The following EYA3 variants were observed in gnomAD, a reference collection of about 807,000 sequenced individuals.
EYA3 encodes EYA transcriptional coactivator and phosphatase 3, also known as protein phosphatase EYA3.
A neutral mutation model predicts 80.0 loss-of-function variants in EYA3; 39 were observed. That is an observed-to-expected ratio of 0.49 (90% CI 0.38 to 0.64). The LOEUF (loss-of-function observed/expected upper bound fraction) is 0.64, where lower values mean the gene tolerates loss of function less well. Among genes scored for constraint, EYA3 ranks in the 30% least tolerant of loss-of-function variants. The probability of loss-of-function intolerance (pLI) is 0.00; values close to 1 mark genes in which losing one functional copy is unlikely to be tolerated. For missense variants in EYA3, 523 were observed against 676.1 expected (o/e 0.77, Z 2.51); for synonymous variants, 206 against 232.8 (o/e 0.88, Z 1.05).
At chr1:28,043,345 AAC>A (rs58881828) in intron 3 of EYA3, among the ~76,000 whole-genome samples, 30,031 of 145,672 alleles carry the variant, frequency 0.21, 3,126 homozygotes, top group Non-Finnish European at 0.25. Context: ...AAAAAAAAAA[AAC>A]GTGAAAACAC....
intron 1 of EYA3, among the ~76,000 whole-genome samples, chr1:28,079,924 C>T (rs533378183): frequency 6.6e-6 from 1 of 152,030 alleles, no homozygotes; most frequent in South Asian, 2.1e-4. Context: ...GCCACCACAC[C>T]TGGCCCCAAA....
At chr1:28,073,986 T>C (rs963839304) in intron 1 of EYA3, among the ~76,000 whole-genome samples, 3 of 152,174 alleles carry the variant, frequency 2.0e-5, no homozygotes, top group African/African-American at 7.2e-5. Context: ...AACAAAATTA[T>C]AAACATAGTT....
At chr1:28,025,214 A>C (rs765199381) in intron 7 of EYA3, among the ~76,000 whole-genome samples, 11 of 152,210 alleles carry the variant, frequency 7.2e-5, no homozygotes, top group Non-Finnish European at 1.0e-4. Context: ...TTTTTTCATC[A>C]GAATAAATGG....
rs1370825991 is a variant in EYA3 at position 27,973,450 on chromosome 1, A to G, written c.*1016T>C. ...AAATGGGTGCTTCTCTGCAGGGGGA[A>G]TAGGTAGAACCTTTCGGTCTCAAGA... On this transcript the variant is annotated 3_prime_UTR_variant, in exon 18 of 18. Transcript: ENST00000373871. The G allele has an allele frequency of 6.6e-6, 1 of 152,216 alleles. No homozygotes were observed. The highest frequency in any genetic ancestry group is 1.5e-5 in the Non-Finnish European group (1 of 68,078). The allele number at this position is 152,216 out of a possible 1,614,324, so 9.4% of individuals were successfully genotyped here.
chr1:28,041,473 A>G (rs1301606407), intron 4 of EYA3, among the ~76,000 whole-genome samples: 1 of 152,146 alleles, frequency 6.6e-6, no homozygotes, highest in Non-Finnish European at 1.5e-5. Flanking sequence ...GAATCACTTG[A>G]ACCCGGGAGG....
chr1:27,978,055 TGCTTGAGAAG>T (rs1639056797), intron 17 of EYA3, among the ~76,000 whole-genome samples: 1 of 152,098 alleles, frequency 6.6e-6, no homozygotes, highest in African/African-American at 2.4e-5. Context: ...TCAAGTCTGA[TGCTTGAGAAG>T]GCACTGTCTT....
Position 28,035,652 on chromosome 1 carries a change from C to T in EYA3, c.253G>A (p.Val85Ile). ...KPYAHILSVP[V>I]SETAYPGQTQ... ...TGTCCAGGGTAAGCAGTTTCCGAAA[C>T]AGGAACTGAGAGAATATGTGCATAA... The change falls in exon 6 of 18, where the codon GTT becomes ATT. Residue 85 changes from valine to isoleucine, a missense_variant. Coordinates refer to ENST00000373871, the MANE Select transcript of EYA3 (RefSeq NM_001990.4). 1 of 1,613,982 alleles carries T rather than the reference C, an allele frequency of 6.2e-7. No homozygotes were observed.
chr1:28,086,739 G>T (rs6703873), intron 1 of EYA3, among the ~76,000 whole-genome samples: 5,602 of 152,218 alleles, frequency 0.037, 295 homozygotes, highest in African/African-American at 0.13. Context: ...GGTTTGTTTT[G>T]AAGGATGGAA....
intron 1 of EYA3, among the ~76,000 whole-genome samples, chr1:28,067,165 T>A (rs544387424): frequency 1.3e-5 from 2 of 152,186 alleles, no homozygotes; most frequent in Non-Finnish European, 2.9e-5. Flanking sequence ...TCTGAATAAT[T>A]TTTCTTAGGT....
intron 6 of EYA3, among the ~76,000 whole-genome samples, chr1:28,033,835 T>C (rs535440488): frequency 6.6e-6 from 1 of 151,218 alleles, no homozygotes; most frequent in Admixed American, 6.6e-5. Context: ...TTTTTTTGTA[T>C]TTTTAATAGA....
At chr1:28,040,369 T>G (rs1643706351) in intron 4 of EYA3, among the ~76,000 whole-genome samples, 1 of 152,182 alleles carries the variant, frequency 6.6e-6, no homozygotes, top group Non-Finnish European at 1.5e-5. Flanking sequence ...GAAAGTTCTT[T>G]TTTGAAGATC....
intron 10 of EYA3, among the ~76,000 whole-genome samples, chr1:28,005,782 TAA>T (rs1335937733): frequency 6.6e-6 from 1 of 150,898 alleles, no homozygotes; most frequent in African/African-American, 2.4e-5. Context: ...AAAATAGAGG[TAA>T]ACCAAATTCA....
rs781372228 is a variant in EYA3 at position 28,035,676 on chromosome 1, A to G, written c.229T>C (p.Tyr77His). The change falls in exon 6 of 18, where the codon TAT becomes CAT. Residue 77 changes from tyrosine to histidine, a missense_variant. Tyr to His is a moderately conservative substitution (Grantham distance 83). This residue lies in a region of EYA3 where 304 missense variants were observed against 343.3 expected (regional missense o/e 0.89). Transcript: ENST00000373871. ...YTSQMYSAKP[Y>H]AHILSVPVSE... The stretch of plus-strand genomic sequence containing the variant: ...ACAGGAACTGAGAGAATATGTGCAT[A>G]AGGTCTGGAAAATTTCATGAAAACA... 6.2e-7 allele frequency: 1 copy of G among 1,606,370 alleles called. No individual in the cohort carries two copies. The highest frequency in any genetic ancestry group is 2.2e-5 in the East Asian group (1 of 44,856).
intron 1 of EYA3, among the ~76,000 whole-genome samples, chr1:28,086,679 C>T (rs1490769998): frequency 6.6e-6 from 1 of 152,142 alleles, no homozygotes; most frequent in Non-Finnish European, 1.5e-5. Flanking sequence ...TTAAATGAAG[C>T]CCACAAACCT....
chr1:27,977,192 A>C (rs1029636834), intron 17 of EYA3: 1 of 1,479,422 alleles, frequency 6.8e-7, no homozygotes. Flanking sequence ...TCAAAGCTTC[A>C]TAACATATGT....
At chr1:27,985,206 T>C (rs1203081231) in intron 16 of EYA3, among the ~76,000 whole-genome samples, 1 of 151,324 alleles carries the variant, frequency 6.6e-6, no homozygotes, top group Non-Finnish European at 1.5e-5. Context: ...GCCTCCCAAG[T>C]AGCCGGGACT....
Position 28,042,852 on chromosome 1 carries a change from C to CT in EYA3, c.78-203dup, listed in dbSNP as rs563168110. Among the ~76,000 whole-genome samples, 85 of 148,832 alleles carry CT rather than the reference C, an allele frequency of 5.7e-4. No homozygotes were observed. In the Middle Eastern group the frequency reaches 0.011, roughly 19 times the overall value. ...TACCCTCAGCATTCTACCGCTCTTT[C>CT]TTTTTTTTTTGAGATGGAGTCTCAC... On this transcript the variant is annotated intron_variant, in intron 3 of 17. Transcript: ENST00000373871.
At chr1:28,064,376 C>CTATATA (rs1196095186) in intron 1 of EYA3, among the ~76,000 whole-genome samples, 3 of 111,878 alleles carry the variant, frequency 2.7e-5, no homozygotes, top group African/African-American at 1.1e-4. Context: ...CTCTCTCTCT[C>CTATATA]TCTATATATA....
Position 28,011,167 on chromosome 1 carries a change from C to A in EYA3, c.770-81G>T, listed in dbSNP as rs577679464. 2.4e-4 allele frequency: 355 copies of A among 1,464,714 alleles called. 2 individuals are homozygous for A. Among genetic ancestry groups the A allele is most frequent in the Middle Eastern group, 1.1e-3 (6 of 5,544 alleles). The allele number at this position is 1,464,714 out of a possible 1,614,324, so 90.7% of individuals were successfully genotyped here. ...GGCAGGAAGAGGGTTAGTGGACTCT[C>A]TGCCCTTGTGAGTCATAATGCAGGG... On this transcript the variant is annotated intron_variant, in intron 9 of 17. Coordinates refer to ENST00000373871, the MANE Select transcript of EYA3 (RefSeq NM_001990.4).
Sources: allele counts gnomAD v4.1 joint callset (sites outside exome capture counted in the v4.1 genomes callset), GRCh38; gene constraint gnomAD v4.1.1; regional missense constraint gnomAD v4.1.1; transcripts MANE v1.5; gene names NCBI Gene and HGNC (gene_info 2026-07-23, HGNC 2026-07-21).